SGPP2: variants seen among roughly 807,000 people sequenced by gnomAD.
SGPP2 encodes sphingosine-1-phosphate phosphatase 2.
In SGPP2, 30 loss-of-function variants were observed where a neutral mutation model predicts 33.9. The ratio of observed to expected loss-of-function variants is 0.89; its 90% CI spans 0.66 to 1.20. The LOEUF (loss-of-function observed/expected upper bound fraction) is 1.20, where lower values mean the gene tolerates loss of function less well. SGPP2 is among the 50% of genes most tolerant of loss of function. The pLI is 0.00. For missense variants in SGPP2, 458 were observed against 532.1 expected, an observed-to-expected ratio of 0.86 and a Z score of 1.37; for synonymous variants, 233 against 225.0, an observed-to-expected ratio of 1.04 and a Z score of -0.32.
intron 2 of SGPP2, among the ~76,000 whole-genome samples, chr2:222,509,167 CA>C (rs1292021491): frequency 6.6e-6 from 1 of 151,916 alleles, no homozygotes; most frequent in Non-Finnish European, 1.5e-5. Flanking sequence ...GACAAAAACA[CA>C]ATCTAGTGCA....
intron 2 of SGPP2, among the ~76,000 whole-genome samples, chr2:222,488,488 C>T (rs555419043): frequency 6.6e-6 from 1 of 152,314 alleles, no homozygotes; most frequent in African/African-American, 2.4e-5. Context: ...CAGTTTTATC[C>T]TAAAAGCATC....
In SGPP2 at chr2:222,460,055, G is replaced by A. The variant is rs72966730; in HGVS notation, c.220-14513G>A. ...TGTTTTCAGAGCAGGAATCTGAAGC[G>A]CGCGGCCCTCGGTGACGGGGCTCAG... is the stretch of plus-strand genomic sequence containing the variant. On this transcript the variant is annotated intron_variant, in intron 1 of 4. Transcript: ENST00000321276. The surrounding 1 kb of genome is among the most constrained non-coding windows in gnomAD (Gnocchi z 4.3). 0.02 allele frequency among the ~76,000 whole-genome samples: 3,103 copies of A among 152,298 alleles called. 48 individuals are homozygous for A. Among genetic ancestry groups the A allele is most frequent in the Non-Finnish European group, 0.032 (2,159 of 68,018 alleles).
chr2:222,445,256 G>A (rs1697382552), intron 1 of SGPP2, among the ~76,000 whole-genome samples: 1 of 152,210 alleles, frequency 6.6e-6, no homozygotes, highest in South Asian at 2.1e-4. Flanking sequence ...CCACTGACAT[G>A]CTTTGTTCAC....
intron 2 of SGPP2, among the ~76,000 whole-genome samples, chr2:222,482,452 A>G (rs1698043376): frequency 6.6e-6 from 1 of 152,184 alleles, no homozygotes; most frequent in African/African-American, 2.4e-5. Context: ...GCTTGAGTAT[A>G]GTGGCACAAT....
intron 4 of SGPP2, among the ~76,000 whole-genome samples, chr2:222,541,429 G>A (rs972012805): frequency 6.6e-6 from 1 of 152,172 alleles, no homozygotes; most frequent in African/African-American, 2.4e-5. Flanking sequence ...AAGTTCTACA[G>A]TTCCTAATGG....
At chr2:222,470,417 G>A (rs1283178220) in intron 1 of SGPP2, among the ~76,000 whole-genome samples, 1 of 152,140 alleles carries the variant, frequency 6.6e-6, no homozygotes, top group Admixed American at 6.5e-5. Context: ...GAAATCCTTG[G>A]GGTGTCATCT....
In SGPP2 at chr2:222,540,086, T is replaced by G. The variant is rs1246675919; in HGVS notation, c.648+15053T>G. ...AAGAGATTTTCATTCCAAAGTCTCT[T>G]CGGTCATATAGGATGAGTATACCTT... On this transcript the variant is annotated intron_variant, in intron 4 of 4. Transcript: ENST00000321276. 3.9e-5 allele frequency among the ~76,000 whole-genome samples: 6 copies of G among 152,214 alleles called. No homozygotes were observed. In the East Asian group the frequency reaches 1.2e-3, roughly 29 times the overall value.
intron 4 of SGPP2, among the ~76,000 whole-genome samples, chr2:222,527,599 G>A (rs543211823): frequency 6.6e-6 from 1 of 152,276 alleles, no homozygotes; most frequent in East Asian, 1.9e-4. Flanking sequence ...CCCCCTTTTG[G>A]GAGCATTTGT....
At chr2:222,518,316 C>T (rs1377805483) in intron 2 of SGPP2, among the ~76,000 whole-genome samples, 1 of 152,194 alleles carries the variant, frequency 6.6e-6, no homozygotes, top group Non-Finnish European at 1.5e-5. Context: ...CAAAGGAACT[C>T]ATGAACCTCA....
Position 222,438,750 on chromosome 2 carries a change from G to A in SGPP2, c.219+13929G>A, listed in dbSNP as rs562434447. ...CCAAATGGGAAAGTTGAATGGGAATGTGGTGGGAATCTCCAACCCGGTGTC... is the reference window on the plus strand; with the variant it reads ...CCAAATGGGAAAGTTGAATGGGAATATGGTGGGAATCTCCAACCCGGTGTC... On this transcript the variant is annotated intron_variant, in intron 1 of 4. Coordinates refer to ENST00000321276, the MANE Select transcript of SGPP2 (RefSeq NM_152386.4). Among the ~76,000 whole-genome samples the A allele has an allele frequency of 2.0e-5, 3 of 152,380 alleles. No individual in the cohort carries two copies. In the East Asian group the frequency reaches 5.8e-4, roughly 29 times the overall value.
chr2:222,475,366 A>G (rs1214041379), intron 2 of SGPP2, among the ~76,000 whole-genome samples: 2 of 152,192 alleles, frequency 1.3e-5, no homozygotes, highest in African/African-American at 2.4e-5. Context: ...ATACTTTCCC[A>G]AGGGTAGATC....
Position 222,559,240 on chromosome 2 carries a change from G to C in SGPP2, c.*342G>C. The stretch of plus-strand genomic sequence containing the variant: ...ATCTAGTCATGGGCTGGCAGGAATT[G>C]TGGCCTGGCTTAGGAATAGCTATGA... On this transcript the variant is annotated 3_prime_UTR_variant, in exon 5 of 5. Coordinates refer to ENST00000321276, the MANE Select transcript of SGPP2 (RefSeq NM_152386.4). 2 of 253,602 alleles carry C rather than the reference G, an allele frequency of 7.9e-6. No individual in the cohort carries two copies. The highest frequency in any genetic ancestry group is 1.3e-4 in the South Asian group (2 of 15,816). The allele number at this position is 253,602 out of a possible 1,614,324, so 15.7% of individuals were successfully genotyped here. A position where few individuals can be genotyped will look rare whatever the true frequency, so the allele number is the denominator to read the frequency against.
intron 1 of SGPP2, among the ~76,000 whole-genome samples, chr2:222,433,439 G>T (rs543312713): frequency 2.0e-5 from 3 of 152,278 alleles, no homozygotes; most frequent in African/African-American, 7.2e-5. Flanking sequence ...CTGTAGTTGC[G>T]AATGGTGGCT....
At chr2:222,546,966 G>T (rs953885242) in intron 4 of SGPP2, among the ~76,000 whole-genome samples, 14 of 152,020 alleles carry the variant, frequency 9.2e-5, no homozygotes, top group Non-Finnish European at 8.8e-5. Context: ...TGTCAGAAAT[G>T]CGGACTCTCA....
intron 2 of SGPP2, among the ~76,000 whole-genome samples, chr2:222,486,598 G>T (rs1269522656): frequency 6.6e-6 from 1 of 152,128 alleles, no homozygotes; most frequent in Non-Finnish European, 1.5e-5. Flanking sequence ...TCATTTACAG[G>T]TCCTGACTAC....
chr2:222,515,926 T>A (rs1167721341), intron 2 of SGPP2, among the ~76,000 whole-genome samples: 1 of 152,078 alleles, frequency 6.6e-6, no homozygotes, highest in East Asian at 1.9e-4. Flanking sequence ...CGCGTGACTG[T>A]AGTCCCAGCT....
At position 222,562,100 on chromosome 2, in the gene SGPP2, A is replaced by G. The variant is rs758144030; in HGVS notation, c.*3202A>G. Among the ~76,000 whole-genome samples, 3 of 152,110 alleles carry G rather than the reference A, an allele frequency of 2.0e-5. No homozygotes were observed. Among genetic ancestry groups the G allele is most frequent in the Non-Finnish European group, 4.4e-5 (3 of 68,024 alleles). On this transcript the variant is annotated 3_prime_UTR_variant, in exon 5 of 5. Coordinates refer to ENST00000321276, the MANE Select transcript of SGPP2 (RefSeq NM_152386.4). ...TAATTTAAAAGGCAAGCTCACCACA[A>G]TGTAAGCCTATGGTCTGGCCAACCT...
At chr2:222,537,127 C>A (rs949872744) in intron 4 of SGPP2, among the ~76,000 whole-genome samples, 1 of 152,126 alleles carries the variant, frequency 6.6e-6, no homozygotes, top group South Asian at 2.1e-4. Flanking sequence ...AGCCAGGAAG[C>A]CTCCTGTATT....
chr2:222,533,235 AG>A (rs1698864784), intron 4 of SGPP2, among the ~76,000 whole-genome samples: 1 of 152,156 alleles, frequency 6.6e-6, no homozygotes, highest in African/African-American at 2.4e-5. Context: ...GGACCAGAAG[AG>A]GGGTGGCTCT....
Sources: allele counts gnomAD v4.1 joint callset (sites outside exome capture counted in the v4.1 genomes callset), GRCh38; gene constraint gnomAD v4.1.1; non-coding constraint Gnocchi (gnomAD v3.1); transcripts MANE v1.5; gene names NCBI Gene and HGNC (gene_info 2026-07-23, HGNC 2026-07-21).